The following MROH1 variants were observed in gnomAD, a reference collection of about 807,000 sequenced individuals.
The protein encoded by MROH1 is maestro heat like repeat family member 1.
MROH1 carries 117 observed loss-of-function variants against 116.5 expected under a neutral mutation model. The observed-to-expected ratio is 1.00, with a 90% CI of 0.86 to 1.17. The LOEUF (loss-of-function observed/expected upper bound fraction) is 1.17, where lower values mean the gene tolerates loss of function less well. Among genes scored for constraint, MROH1 ranks in the 50% most tolerant of loss-of-function variants. MROH1 has a pLI of 0.00. For missense variants in MROH1, 1,873 were observed against 1,338.5 expected (o/e 1.40, Z -6.23); for synonymous variants, 921 against 583.9 (o/e 1.58, Z -8.32).
At chr8:144,247,271 T>C (rs1422050466) in intron 29 of MROH1, 30 bp from the exon 30 acceptor site, 2 of 762,774 alleles carry the variant, frequency 2.6e-6, no homozygotes, top group African/African-American at 3.4e-5. Context: ...ACCCCCAGCA[T>C]TCTAATAGCC....
intron 20 of MROH1, 43 bp from the exon 21 acceptor site, chr8:144,240,949 A>G (rs2132904909): frequency 2.8e-6 from 2 of 719,858 alleles, no homozygotes; most frequent in Admixed American, 2.0e-5. Context: ...GTCTCCCTGT[A>G]CTCAGGAGTC....
At chr8:144,260,543 C>T (rs1290305014) in intron 39 of MROH1, 134 bp from the exon 40 acceptor site, 7 of 748,590 alleles carry the variant, frequency 9.4e-6, no homozygotes, top group African/African-American at 5.1e-5. Context: ...CAGCCCCCAC[C>T]CGTAAGGCCC....
chr8:144,220,684 T>C lies in MROH1; in HGVS notation c.1215+11T>C, dbSNP rs1048135124. ...GACACCAACAGCAAGGTAAACCACA[T>C]GGGCCAGCCCAGGCTGCACCACCAC... On this transcript the variant is annotated intron_variant, in intron 13 of 43. Transcript: ENST00000326134. 3 of 1,565,014 alleles carry C rather than the reference T, an allele frequency of 1.9e-6. No individual in the cohort carries two copies. The highest frequency in any genetic ancestry group is 2.6e-6 in the Non-Finnish European group (3 of 1,154,992).
At position 144,239,101 on chromosome 8, in the gene MROH1, T is replaced by C; in HGVS notation, c.1513T>C (p.Cys505Arg). ...VRFTGALTPL[C>R]RSLVHLAQKR... Reference sequence around the variant, plus strand: ...CTTCACTGGGGCCCTGACTCCGCTCTGCAGGAGCCTCGTGCATCTGGCGCA... The same window carrying C: ...CTTCACTGGGGCCCTGACTCCGCTCCGCAGGAGCCTCGTGCATCTGGCGCA... Residue 505 changes from cysteine to arginine, a missense_variant, in exon 16 of 44, where the codon TGC becomes CGC. By Grantham distance (180) the Cys-to-Arg change is radical (BLOSUM62 -3). Coordinates refer to ENST00000326134, the MANE Select transcript of MROH1 (RefSeq NM_032450.3). The C allele has an allele frequency of 5.2e-6, 4 of 776,222 alleles. No homozygotes were observed. Among genetic ancestry groups the C allele is most frequent in the Non-Finnish European group, 4.8e-6 (2 of 417,750 alleles). 48.1% of individuals were successfully genotyped at this position (776,222 alleles called of 1,614,324 possible).
intron 1 of MROH1, among the ~76,000 whole-genome samples, chr8:144,158,721 A>G (rs975495274): frequency 7.9e-5 from 12 of 151,250 alleles, no homozygotes; most frequent in African/African-American, 2.7e-4. Flanking sequence ...CATACTTTGT[A>G]TGCATTGACT....
chr8:144,245,317 G>A (rs1841702261), intron 29 of MROH1, 57 bp downstream of exon 29: 1 of 766,064 alleles, frequency 1.3e-6, no homozygotes, highest in Non-Finnish European at 2.4e-6. Context: ...ATGACCCAGA[G>A]TGTGAGCTGC....
At chr8:144,218,664 C>T (rs1835820621) in intron 12 of MROH1, among the ~76,000 whole-genome samples, 1 of 115,246 alleles carries the variant, frequency 8.7e-6, no homozygotes. Flanking sequence ...CCCTCCTCTC[C>T]CCTCCCGTCC....
chr8:144,195,829 C>T (rs1281172295), intron 10 of MROH1, among the ~76,000 whole-genome samples: 2 of 152,092 alleles, frequency 1.3e-5, no homozygotes, highest in Non-Finnish European at 2.9e-5. Context: ...CATCCCCTCC[C>T]CAAACCCCAG....
chr8:144,175,070 A>G (rs1327550698), intron 4 of MROH1: 3 of 985,368 alleles, frequency 3.0e-6, no homozygotes, highest in Admixed American at 1.2e-4. Flanking sequence ...AGATGGAAGC[A>G]TAATGCAACT....
chr8:144,200,160 A>C (rs1416376416), intron 11 of MROH1, among the ~76,000 whole-genome samples: 1 of 152,148 alleles, frequency 6.6e-6, no homozygotes, highest in Admixed American at 6.5e-5. Flanking sequence ...GGAGATGCTG[A>C]AACAAGCACC....
rs763659145 is a variant in MROH1 at position 144,199,230 on chromosome 8, G to A, written c.1027+30G>A. 3.7e-6 allele frequency: 6 copies of A among 1,603,122 alleles called. No individual in the cohort carries two copies. The East Asian group carries it at 1.3e-4, about 36-fold the overall frequency. On this transcript the variant is annotated intron_variant, in intron 11 of 43. Coordinates refer to ENST00000326134, the MANE Select transcript of MROH1 (RefSeq NM_032450.3). ...GTGGTGGGCCCAGCTTTGCCCATGG[G>A]CATCTGTGGACACTCACAGGGTCAC...
intron 2 of MROH1, 126 bp downstream of exon 2, chr8:144,161,215 A>G (rs1380398472): frequency 1.3e-5 from 2 of 152,380 alleles, no homozygotes; most frequent in African/African-American, 4.8e-5. Context: ...CAGGTAATCC[A>G]GGATAATCTC....
At chr8:144,249,271 C>T (rs955309812) in intron 32 of MROH1, among the ~76,000 whole-genome samples, 12 of 152,080 alleles carry the variant, frequency 7.9e-5, no homozygotes, top group Non-Finnish European at 1.2e-4. Context: ...TGTCTGAAGA[C>T]AGGGGTTAGA....
chr8:144,258,977 G>C, intron 36 of MROH1, 63 bp downstream of exon 36: 4 of 672,120 alleles, frequency 6.0e-6, no homozygotes, highest in Non-Finnish European at 1.1e-5. Flanking sequence ...CTCGAGCCCA[G>C]AACATGACAG....
chr8:144,178,141 GT>G (rs541890850), intron 4 of MROH1, among the ~76,000 whole-genome samples: 3 of 130,090 alleles, frequency 2.3e-5, no homozygotes, highest in Admixed American at 8.1e-5. Flanking sequence ...TGTTTTTTGT[GT>G]TTTTTTTTTG....
At chr8:144,256,281 G>A (rs1016520418) in intron 35 of MROH1, among the ~76,000 whole-genome samples, 59 of 152,124 alleles carry the variant, frequency 3.9e-4, no homozygotes, top group Non-Finnish European at 4.7e-4. Flanking sequence ...CCATGTGAAC[G>A]CAGGGCTGCC....
chr8:144,170,170 G>A (rs1316252112), intron 4 of MROH1, among the ~76,000 whole-genome samples: 2 of 152,214 alleles, frequency 1.3e-5, no homozygotes, highest in African/African-American at 4.8e-5. Flanking sequence ...GGGAGAATGA[G>A]GAGGAGAGAG....
Position 144,250,306 on chromosome 8 carries a change from C to T in MROH1, c.3368C>T (p.Ala1123Val). 1.3e-6 allele frequency: 1 copy of T among 767,694 alleles called. No homozygotes were observed. Among genetic ancestry groups the T allele is most frequent in the Non-Finnish European group, 2.4e-6 (1 of 415,556 alleles). The allele number at this position is 767,694 out of a possible 1,614,324, so 47.6% of individuals were successfully genotyped here. A position where few individuals can be genotyped will look rare whatever the true frequency, so the allele number is the denominator to read the frequency against. Residue 1123 changes from alanine to valine, a missense_variant, in exon 33 of 44, where the codon GCC becomes GTC. By Grantham distance (64) the Ala-to-Val change is moderately conservative. Transcript: ENST00000326134. Reference protein sequence around the residue: ...PAAQHSVYLLATQHCAAVVSS... With the variant: ...PAAQHSVYLLVTQHCAAVVSS... ...GCCCAGCACAGCGTGTACCTCCTGG[C>T]CACCCAGCACTGCGCAGCCGTGGTG...
At chr8:144,258,339 GGGGCCTGC>G (rs1844308717) in intron 35 of MROH1, among the ~76,000 whole-genome samples, 8 of 152,362 alleles carry the variant, frequency 5.3e-5, no homozygotes, top group African/African-American at 1.4e-4. Flanking sequence ...GAGTGGATCA[GGGGCCTGC>G]TCGCCTCCCA....
Sources: gnomAD v4.1 joint callset for allele counts (sites outside exome capture counted in the v4.1 genomes callset) on GRCh38, gnomAD v4.1.1 for gene constraint, MANE v1.5 for transcripts, NCBI Gene and HGNC (gene_info 2026-07-23, HGNC 2026-07-21) for gene names.